Variants in PDCL2 observed in about 807,000 individuals in gnomAD.
PDCL2 encodes phosducin like 2, also known as phosducin-like protein 2.
Under a neutral mutation model 30.3 loss-of-function variants are expected in PDCL2, and 23 were observed. The ratio of observed to expected loss-of-function variants is 0.76; its 90% confidence interval spans 0.55 to 1.08. The LOEUF (loss-of-function observed/expected upper bound fraction) is 1.08, where lower values mean the gene tolerates loss of function less well. Ranked by LOEUF, PDCL2 falls within the 50% of genes least tolerant of loss-of-function variation. The pLI, the probability that PDCL2 is intolerant of heterozygous loss-of-function variation, is 0.00. For missense variants in PDCL2, 243 were observed against 282.3 expected (o/e 0.86, Z 1.00); for synonymous variants, 68 against 86.2 (o/e 0.79, Z 1.17).
chr4:55,579,728 AC>A (rs56735160), intron 3 of PDCL2, among the ~76,000 whole-genome samples: 6,516 of 152,138 alleles, frequency 0.043, 443 homozygotes, highest in African/African-American at 0.15. Context: ...ACAGGGTCTT[AC>A]TATGTTGACC....
intron 1 of PDCL2, among the ~76,000 whole-genome samples, chr4:55,587,294 A>G (rs954698553): frequency 2.0e-5 from 3 of 148,726 alleles, no homozygotes; most frequent in Non-Finnish European, 4.4e-5. Flanking sequence ...ATCTAATCCC[A>G]TTTATAAGGA....
At chr4:55,585,633 GA>G (rs1299645050) in intron 1 of PDCL2, among the ~76,000 whole-genome samples, 1 of 152,168 alleles carries the variant, frequency 6.6e-6, no homozygotes, top group Non-Finnish European at 1.5e-5. Context: ...AGTTCTCCTT[GA>G]AATGTTTGGT....
In PDCL2 at chr4:55,569,780, A is replaced by G. The variant is rs767411632; in HGVS notation, c.300T>C (p.Tyr100=). The change falls in exon 4 of 6, where the codon TAT becomes TAC. Residue 100 remains tyrosine (Y), a synonymous_variant. Coordinates refer to ENST00000295645, the MANE Select transcript of PDCL2 (RefSeq NM_152401.3). ...CTTCTGCATTTGTGACTTCATTCAC[A>G]TACTGATTTCCAGAAATTTCTCTTA... is the stretch of plus-strand genomic sequence containing the variant. ...GELREISGNQ[Y]VNEVTNAEED... The G allele has an allele frequency of 8.3e-6, 13 of 1,566,308 alleles. No homozygotes were observed. The highest frequency in any genetic ancestry group is 1.9e-5 in the Admixed American group (1 of 53,108).
At chr4:55,569,531 A>G (rs923827248) in intron 4 of PDCL2, among the ~76,000 whole-genome samples, 187 bp downstream of exon 4, 2 of 152,214 alleles carry the variant, frequency 1.3e-5, no homozygotes, top group African/African-American at 4.8e-5. Flanking sequence ...TTAGAAATGA[A>G]AAGATCTTAA....
chr4:55,570,497 A>G (rs1732393392), intron 3 of PDCL2, among the ~76,000 whole-genome samples: 1 of 152,196 alleles, frequency 6.6e-6, no homozygotes, highest in East Asian at 1.9e-4. Flanking sequence ...AGTACTTGTT[A>G]ATAGCATAAA....
intron 1 of PDCL2, among the ~76,000 whole-genome samples, chr4:55,583,785 C>A (rs1324158628): frequency 6.6e-6 from 1 of 152,162 alleles, no homozygotes; most frequent in Non-Finnish European, 1.5e-5. Flanking sequence ...TATGCCAGTA[C>A]CACGCTGTTT....
intron 5 of PDCL2, among the ~76,000 whole-genome samples, chr4:55,558,507 G>T (rs1264791141): frequency 1.3e-5 from 2 of 152,186 alleles, no homozygotes; most frequent in African/African-American, 2.4e-5. Context: ...GCTGAACTGT[G>T]AGTCAATTAA....
intron 1 of PDCL2, among the ~76,000 whole-genome samples, chr4:55,582,545 C>T (rs558720327): frequency 1.4e-4 from 22 of 152,264 alleles, no homozygotes; most frequent in East Asian, 5.8e-4. Context: ...TCACATCATA[C>T]ACAAATACAG....
At chr4:55,558,422 G>A (rs1362826641) in intron 5 of PDCL2, among the ~76,000 whole-genome samples, 1 of 152,108 alleles carries the variant, frequency 6.6e-6, no homozygotes, top group African/African-American at 2.4e-5. Context: ...TCTCCTTCCT[G>A]CTGCCATGTG....
At chr4:55,571,231 G>C (rs147087172) in intron 3 of PDCL2, among the ~76,000 whole-genome samples, 13 of 152,084 alleles carry the variant, frequency 8.5e-5, no homozygotes, top group Non-Finnish European at 1.3e-4. Context: ...CTTTCCCCTT[G>C]CTCCTTCTGA....
At chr4:55,585,694 C>T (rs969899002) in intron 1 of PDCL2, among the ~76,000 whole-genome samples, 1 of 152,076 alleles carries the variant, frequency 6.6e-6, no homozygotes, top group African/African-American at 2.4e-5. Flanking sequence ...TTGATGGGAG[C>T]CTTTTAATTT....
chr4:55,569,592 G>A (rs879092220), intron 4 of PDCL2, 126 bp downstream of exon 4: 1 of 484,858 alleles, frequency 2.1e-6, no homozygotes, highest in South Asian at 7.8e-5. Context: ...CTCTATGGAT[G>A]TATATGTGTG....
At chr4:55,586,326 C>A (rs1385266448) in intron 1 of PDCL2, among the ~76,000 whole-genome samples, 1 of 152,154 alleles carries the variant, frequency 6.6e-6, no homozygotes, top group African/African-American at 2.4e-5. Context: ...TAAATAATAG[C>A]CCCTCATTCT....
Position 55,569,862 on chromosome 4 carries a change from CTAAT to C in PDCL2, c.219-5_219-2del. The C allele has an allele frequency of 6.7e-7, 1 of 1,488,766 alleles. No homozygotes were observed. The highest frequency in any genetic ancestry group is 9.1e-7 in the Non-Finnish European group (1 of 1,099,788). 92.2% of individuals were successfully genotyped at this position (1,488,766 alleles called of 1,614,324 possible). A position where few individuals can be genotyped will look rare whatever the true frequency, so the allele number is the denominator to read the frequency against. The stretch of plus-strand genomic sequence containing the variant: ...TTTCCATTCCTGTAACCGCTTCTTT[CTAAT>C]TAAAACATGAAATTAAATTACATAA... On this transcript the variant is annotated splice_acceptor_variant and splice_polypyrimidine_tract_variant and intron_variant, in intron 3 of 5. Coordinates refer to ENST00000295645, the MANE Select transcript of PDCL2 (RefSeq NM_152401.3). LOFTEE classifies it high-confidence loss of function.
chr4:55,571,585 G>A lies in PDCL2; in HGVS notation c.219-1724C>T, dbSNP rs533799978. 7.8e-5 allele frequency among the ~76,000 whole-genome samples: 5 copies of A among 63,814 alleles called. 2 individuals carry two copies. In the Admixed American group the frequency reaches 8.6e-4, roughly 11 times the overall value. 41.9% of individuals were successfully genotyped at this position (63,814 alleles called of 152,430 possible). A position where few individuals can be genotyped will look rare whatever the true frequency, so the allele number is the denominator to read the frequency against. On this transcript the variant is annotated intron_variant, in intron 3 of 5. Transcript: ENST00000295645. ...GCCTGTGGTCCCAGCTACTCGGGAG[G>A]CTGAGGCAGGAGAATCACTTGAACC...
At chr4:55,584,433 T>C (rs1402649326) in intron 1 of PDCL2, among the ~76,000 whole-genome samples, 1 of 152,032 alleles carries the variant, frequency 6.6e-6, no homozygotes, top group African/African-American at 2.4e-5. Context: ...ATTTTTGTAT[T>C]TTTAGTAGAG....
At chr4:55,586,779 C>T (rs78505792) in intron 1 of PDCL2, among the ~76,000 whole-genome samples, 4,627 of 152,142 alleles carry the variant, frequency 0.03, 82 homozygotes, top group Non-Finnish European at 0.038. Flanking sequence ...TTTTACATTC[C>T]CACCAGCAAT....
chr4:55,571,038 AT>A (rs1470320842), intron 3 of PDCL2, among the ~76,000 whole-genome samples: 3 of 152,100 alleles, frequency 2.0e-5, no homozygotes, highest in Non-Finnish European at 4.4e-5. Flanking sequence ...CAATCACTTC[AT>A]TTATCAGACT....
chr4:55,582,386 A>G, intron 1 of PDCL2, 149 bp from the exon 2 acceptor site: 1 of 851,824 alleles, frequency 1.2e-6, no homozygotes, highest in Non-Finnish European at 1.7e-6. Context: ...AAAGTGACCT[A>G]CTTTTTCCTG....
Sources: gnomAD v4.1 joint callset for allele counts (sites outside exome capture counted in the v4.1 genomes callset) on GRCh38, gnomAD v4.1.1 for gene constraint, MANE v1.5 for transcripts, NCBI Gene and HGNC (gene_info 2026-07-23, HGNC 2026-07-21) for gene names.